The following PLEC variants were observed in gnomAD, a reference collection of about 807,000 sequenced individuals.
The protein encoded by PLEC is plectin.
Under a neutral mutation model 392.8 loss-of-function variants are expected in PLEC, and 216 were observed. The ratio of observed to expected loss-of-function variants is 0.55; its 90% CI spans 0.49 to 0.62. The LOEUF (loss-of-function observed/expected upper bound fraction) is 0.62. PLEC is among the 20% of genes least tolerant of loss of function. The probability of loss-of-function intolerance (pLI) is 0.00; values close to 1 mark genes in which losing one functional copy is unlikely to be tolerated. For synonymous variants in PLEC, 3,621 were observed against 2,980.6 expected (o/e 1.21, Z -7.00); for missense variants, 6,863 against 6,563.4 (o/e 1.05, Z -1.58).
In PLEC at chr8:143,927,971, C is replaced by T. The variant is rs1488445080; in HGVS notation, c.3282G>A (p.Val1094=). The T allele has an allele frequency of 6.9e-6, 11 of 1,600,988 alleles. No homozygotes were observed. The highest frequency in any genetic ancestry group is 9.4e-6 in the Non-Finnish European group (11 of 1,171,110). The stretch of plus-strand genomic sequence containing the variant: ...CCTCGGCCCCCTGCGTGCCGCGGAT[C>T]ACCAGGCTGATGGTCTTGAGCCTGG... The part of the protein sequence containing the change: ...YLEKLKTISL[V]IRGTQGAEEV... Residue 1094 remains valine, a synonymous_variant, in exon 26 of 32, where the codon GTG becomes GTA. Coordinates refer to ENST00000345136, the MANE Select transcript of PLEC (RefSeq NM_201384.3).
intron 24 of PLEC, 58 bp from the exon 25 acceptor site, chr8:143,929,339 T>C (rs1826353592): frequency 6.3e-7 from 1 of 1,582,714 alleles, no homozygotes; most frequent in Admixed American, 1.7e-5. Context: ...CAGCGCCCCT[T>C]GAAGGCCAAA....
chr8:143,936,661 T>G lies in PLEC; in HGVS notation c.435+318A>C, dbSNP rs536679909. Among the ~76,000 whole-genome samples the G allele has an allele frequency of 3.3e-5, 5 of 152,214 alleles. No homozygotes were observed. The South Asian group carries it at 6.2e-4, about 19-fold the overall frequency. ...GCAGCCAGGACAAGCAGCGGGTGAG[T>G]CAGCCTGTGCTGCGCAGAAGCCTCC... On this transcript the variant is annotated intron_variant, in intron 5 of 31. Coordinates refer to ENST00000345136, the MANE Select transcript of PLEC (RefSeq NM_201384.3).
Position 143,919,041 on chromosome 8 carries a change from C to G in PLEC, c.10780G>C (p.Asp3594His), listed in dbSNP as rs373272207. 18 of 1,611,148 alleles carry G rather than the reference C, an allele frequency of 1.1e-5. No homozygotes were observed. The highest frequency in any genetic ancestry group is 1.5e-5 in the Non-Finnish European group (18 of 1,180,016). Reference protein sequence around the residue: ...TMSLWEVMQSDLIPEEQRAQL... With the variant: ...TMSLWEVMQSHLIPEEQRAQL... ...GCCCGCTGCTCCTCGGGGATCAGGT[C>G]CGACTGCATCACCTCCCACAGGGAC... Residue 3594 changes from aspartate (D) to histidine (H), a missense_variant, in exon 32 of 32, where the codon GAC becomes CAC. Physicochemically the swap from Asp to His is moderately conservative, Grantham distance 81. Transcript: ENST00000345136.
chr8:143,925,215 G>C lies in PLEC; in HGVS notation c.4714C>G (p.Arg1572Gly), dbSNP rs375608517. 1 of 1,587,096 alleles carries C rather than the reference G, an allele frequency of 6.3e-7. No individual in the cohort carries two copies. Among genetic ancestry groups the C allele is most frequent in the Non-Finnish European group, 8.5e-7 (1 of 1,174,896 alleles). ...QVQVALETAQ[R>G]SAEAELQSKR... is the part of the protein sequence containing the mutation. ...CTCTGCAGCTCCGCCTCTGCACTGC[G>C]CTGCGCCGTCTCCAGGGCCACCTGT... Residue 1572 changes from arginine (R) to glycine (G), a missense_variant, in exon 31 of 32, where the codon CGC (arginine) becomes GGC (glycine). Coordinates refer to ENST00000345136, the MANE Select transcript of PLEC (RefSeq NM_201384.3).
rs997407724 is a variant in PLEC at position 143,927,740 on chromosome 8, C to T, written c.3426G>A (p.Gln1142=). The T allele has an allele frequency of 1.9e-6, 3 of 1,597,780 alleles. No homozygotes were observed. Among genetic ancestry groups the T allele is most frequent in the Non-Finnish European group, 1.7e-6 (2 of 1,171,774 alleles). ...LKKLRAQAEA[Q]QPTFDALRDE... ...CCCGCAGGGCGTCGAACGTGGGCTG[C>T]TGTGCCTCGGCCTGGGCCCGCAGCT... is the stretch of plus-strand genomic sequence containing the variant. The change falls in exon 27 of 32, where the codon CAG becomes CAA. Residue 1142 remains glutamine, a synonymous_variant. Transcript: ENST00000345136.
upstream of PLEC, among the ~76,000 whole-genome samples, chr8:143,943,082 C>A (rs1830805985): frequency 6.6e-6 from 1 of 152,164 alleles, no homozygotes; most frequent in African/African-American, 2.4e-5. Flanking sequence ...CTCCGGGCGT[C>A]CCCAGCGCCA....
chr8:143,924,271 T>C lies in PLEC; in HGVS notation c.5658A>G (p.Gln1886=). ...GGCGCTCCTCGATGTCAGCCTTGTG[T>C]TGCGCGGCCTGCTCCTCCAGCCGCC... ...QRRRLEEQAA[Q]HKADIEERLA... The change falls in exon 31 of 32, where the codon CAA becomes CAG. Residue 1886 remains glutamine (Q), a synonymous_variant. Transcript: ENST00000345136. 3 of 1,595,740 alleles carry C rather than the reference T, an allele frequency of 1.9e-6. No individual in the cohort carries two copies. Among genetic ancestry groups the C allele is most frequent in the African/African-American group, 1.3e-5 (1 of 74,422 alleles).
Position 143,924,850 on chromosome 8 carries a change from C to G in PLEC, c.5079G>C (p.Glu1693Asp). 1 of 1,586,218 alleles carries G rather than the reference C, an allele frequency of 6.3e-7. No homozygotes were observed. Among genetic ancestry groups the G allele is most frequent in the Non-Finnish European group, 8.5e-7 (1 of 1,173,996 alleles). The change falls in exon 31 of 32, where the codon GAG becomes GAC. Residue 1693 changes from glutamate (E) to aspartate (D), a missense_variant. Physicochemically the swap from Glu to Asp is conservative, Grantham distance 45. Transcript: ENST00000345136. ...AVRQRELAEQELEKQRQLAEG... is the reference protein window; with the variant it reads ...AVRQRELAEQDLEKQRQLAEG... The stretch of plus-strand genomic sequence containing the variant: ...CCGCCAGCTGCCGCTGCTTCTCCAG[C>G]TCTTGTTCAGCCAGCTCCCGCTGCC...
intron 9 of PLEC, 29 bp from the exon 10 acceptor site, chr8:143,934,759 C>T (rs1173850767): frequency 8.1e-6 from 13 of 1,612,092 alleles, no homozygotes; most frequent in South Asian, 2.2e-5. Flanking sequence ...TCGGCAACCA[C>T]GCCGGGCTCT....
Position 143,919,356 on chromosome 8 carries a change from A to G in PLEC, c.10465T>C (p.Tyr3489His), listed in dbSNP as rs1554678014. The change falls in exon 32 of 32, where the codon TAC becomes CAC. Residue 3489 changes from tyrosine to histidine, a missense_variant. By Grantham distance (83) the Tyr-to-His change is moderately conservative. Coordinates refer to ENST00000345136, the MANE Select transcript of PLEC (RefSeq NM_201384.3). ...TCCTCACTGAAGTAGCCGCGCTGGT[A>G]GGCCACGTCCACAGGCACGCGGTGG... ...HSHRVPVDVA[Y>H]QRGYFSEEMN... 1 of 1,613,848 alleles carries G rather than the reference A, an allele frequency of 6.2e-7. No homozygotes were observed. The highest frequency in any genetic ancestry group is 1.1e-5 in the South Asian group (1 of 91,082).
At position 143,934,128 on chromosome 8, in the gene PLEC, G is replaced by A. The variant is rs552889311; in HGVS notation, c.1170-37C>T. 3.2e-5 allele frequency: 51 copies of A among 1,602,440 alleles called. 1 individual carries two copies. In the East Asian group the frequency reaches 7.9e-4, roughly 25 times the overall value. On this transcript the variant is annotated intron_variant, in intron 11 of 31. Coordinates refer to ENST00000345136, the MANE Select transcript of PLEC (RefSeq NM_201384.3). ...GCACAGGGAAGGGGCCGCGTTGGCC[G>A]GGTCCGGCACAGCCCTGGCCACAGA...
rs371673069 is a variant in PLEC at position 143,922,546 on chromosome 8, C to T, written c.7383G>A (p.Lys2461=). 1 of 1,612,850 alleles carries T rather than the reference C, an allele frequency of 6.2e-7. No individual in the cohort carries two copies. Among genetic ancestry groups the T allele is most frequent in the East Asian group, 2.2e-5 (1 of 44,876 alleles). ...GCAGCAGTTTGGCCTCCTGTTGGAG[C>T]TTCTCCTTCTCACGCTCCAGCTCAG... ...AIAELEREKE[K]LQQEAKLLQL... is the part of the protein sequence containing the mutation. Residue 2461 remains lysine, a synonymous_variant, in exon 31 of 32, where the codon AAG becomes AAA. Coordinates refer to ENST00000345136, the MANE Select transcript of PLEC (RefSeq NM_201384.3).
At chr8:143,976,161 G>A (rs1554745988), upstream of PLEC, among the ~76,000 whole-genome samples, 2 of 152,126 alleles carry the variant, frequency 1.3e-5, no homozygotes, top group Non-Finnish European at 1.5e-5. Flanking sequence ...GAGGGAGCCC[G>A]GGCCGCAGCT....
Position 143,919,784 on chromosome 8 carries a change from G to T in PLEC, c.10037C>A (p.Ser3346Tyr). The T allele has an allele frequency of 1.2e-6, 2 of 1,612,496 alleles. No individual in the cohort carries two copies. Among genetic ancestry groups the T allele is most frequent in the Non-Finnish European group, 1.7e-6 (2 of 1,179,668 alleles). ...TTVKDLSELG[S>Y]VRTLLQGSGC... ...ACTGCCCTGCAGCAGCGTCCGCACG[G>T]AGCCCAGCTCCGAAAGGTCCTTGAC... is the stretch of plus-strand genomic sequence containing the variant. The change falls in exon 32 of 32, where the codon TCC (serine) becomes TAC (tyrosine). Residue 3346 changes from serine (S) to tyrosine (Y), a missense_variant. Coordinates refer to ENST00000345136, the MANE Select transcript of PLEC (RefSeq NM_201384.3).
upstream of PLEC, among the ~76,000 whole-genome samples, chr8:143,954,355 G>A (rs958352545): frequency 2.0e-5 from 3 of 152,114 alleles, no homozygotes; most frequent in African/African-American, 7.2e-5. The surrounding 1 kb of genome is among the most constrained non-coding windows in gnomAD (Gnocchi z 4.6). Context: ...TCGCCTCTGC[G>A]CAGCCCTGGG....
At chr8:143,976,202 G>T (rs905092195), upstream of PLEC, among the ~76,000 whole-genome samples, 9 of 152,052 alleles carry the variant, frequency 5.9e-5, no homozygotes, top group South Asian at 1.9e-3. Context: ...CGCGTACACC[G>T]GCACCGCGGA....
In PLEC at chr8:143,924,082, T is replaced by C. The variant is rs1057521809; in HGVS notation, c.5847A>G (p.Gly1949=). The C allele has an allele frequency of 5.1e-5, 81 of 1,597,684 alleles. No homozygotes were observed. Among genetic ancestry groups the C allele is most frequent in the Non-Finnish European group, 6.5e-5 (77 of 1,179,188 alleles). ...AGKAELELEL[G]RIRSNAEDTL... ...TGTCCTCCGCGTTGCTGCGGATGCG[T>C]CCCAGCTCCAGCTCCAGCTCCGCCT... Residue 1949 remains glycine, a synonymous_variant, in exon 31 of 32, where the codon GGA becomes GGG. Coordinates refer to ENST00000345136, the MANE Select transcript of PLEC (RefSeq NM_201384.3).
chr8:143,946,512 C>G (rs1831499951), intron 1 of PLEC: 1 of 640,634 alleles, frequency 1.6e-6, no homozygotes, highest in South Asian at 1.6e-5. Context: ...GCGGCTCCTC[C>G]TCGCAGCCAC....
chr8:143,941,145 T>C (rs147114055), upstream of PLEC, among the ~76,000 whole-genome samples: 356 of 152,292 alleles, frequency 2.3e-3, 1 homozygote, highest in Middle Eastern at 0.024. Flanking sequence ...GCAGCTACCC[T>C]GAGGCCAAGC....
Sources: allele counts gnomAD v4.1 joint callset (sites outside exome capture counted in the v4.1 genomes callset), GRCh38; gene constraint gnomAD v4.1.1; non-coding constraint Gnocchi (gnomAD v3.1); transcripts MANE v1.5; gene names NCBI Gene and HGNC (gene_info 2026-07-23, HGNC 2026-07-21).